IL34: variants seen among roughly 807,000 people sequenced by gnomAD.
The protein encoded by IL34 is interleukin-34.
IL34 carries 17 observed loss-of-function variants against 25.3 expected under a neutral mutation model. The ratio of observed to expected loss-of-function variants is 0.67; its 90% CI spans 0.46 to 1.01. IL34 has a LOEUF of 1.01. Among genes scored for constraint, IL34 ranks in the 50% least tolerant of loss-of-function variants. The pLI, the probability that IL34 is intolerant of heterozygous loss-of-function variation, is 0.00. For missense variants in IL34, 368 were observed against 312.9 expected (o/e 1.18, Z -1.33); for synonymous variants, 174 against 140.9 (o/e 1.23, Z -1.66).
chr16:70,651,314 G>A (rs574839857), intron 1 of IL34, among the ~76,000 whole-genome samples: 19 of 152,224 alleles, frequency 1.2e-4, no homozygotes, highest in Admixed American at 1.2e-3. Flanking sequence ...TAAGCTGAGG[G>A]GTTCAGGACT....
intron 1 of IL34, among the ~76,000 whole-genome samples, chr16:70,648,765 C>T (rs936473666): frequency 2.6e-5 from 4 of 151,842 alleles, no homozygotes; most frequent in Non-Finnish European, 4.4e-5. Flanking sequence ...TAGAAAGCTT[C>T]GGGTGGCTTA....
intron 1 of IL34, among the ~76,000 whole-genome samples, chr16:70,581,860 ATTGC>A (rs2050638789): frequency 6.6e-6 from 1 of 152,170 alleles, no homozygotes; most frequent in Non-Finnish European, 1.5e-5. Flanking sequence ...AGATGGGTGG[ATTGC>A]TTGAGCCTGG....
At chr16:70,601,557 C>T (rs1046258388) in intron 1 of IL34, among the ~76,000 whole-genome samples, 1 of 152,060 alleles carries the variant, frequency 6.6e-6, no homozygotes, top group Non-Finnish European at 1.5e-5. Flanking sequence ...TACCACCCTG[C>T]CCGGCTATTT....
chr16:70,601,071 T>C (rs1439384418), intron 1 of IL34, among the ~76,000 whole-genome samples: 2 of 151,412 alleles, frequency 1.3e-5, no homozygotes, highest in African/African-American at 4.9e-5. Flanking sequence ...AAGTGAGGGA[T>C]ACTGACAGAG....
chr16:70,654,610 A>C lies in IL34; in HGVS notation c.101A>C (p.Glu34Ala). Residue 34 changes from glutamate to alanine, a missense_variant, in exon 2 of 6, where the codon GAG becomes GCG. Coordinates refer to ENST00000288098, the MANE Select transcript of IL34 (RefSeq NM_001393494.1). ...LEMWPLTQNE[E>A]CTVTGFLRDK... ...ATGTGGCCCTTGACGCAGAATGAGG[A>C]GTGCACTGTCACGGGTTTTCTGCGG... 6.2e-7 allele frequency: 1 copy of C among 1,613,580 alleles called. No homozygotes were observed. Among genetic ancestry groups the C allele is most frequent in the Non-Finnish European group, 8.5e-7 (1 of 1,179,634 alleles).
intron 1 of IL34, among the ~76,000 whole-genome samples, chr16:70,607,823 G>T (rs777358822): frequency 1.3e-5 from 2 of 151,870 alleles, no homozygotes; most frequent in South Asian, 4.1e-4. Flanking sequence ...GGAGTGCAGT[G>T]GCGTGATCTC....
intron 4 of IL34, chr16:70,657,363 T>A: frequency 2.0e-6 from 1 of 500,500 alleles, no homozygotes; most frequent in South Asian, 2.7e-5. Flanking sequence ...GAGACTCTGT[T>A]CTAGGCTCTG....
upstream of IL34, among the ~76,000 whole-genome samples, chr16:70,644,634 T>G (rs1304405387): frequency 6.8e-6 from 1 of 147,948 alleles, no homozygotes; most frequent in African/African-American, 2.5e-5. Context: ...TAATGACAAC[T>G]AAATGTTCTA....
intron 1 of IL34, among the ~76,000 whole-genome samples, chr16:70,596,530 T>C (rs1051021036): frequency 6.6e-6 from 1 of 152,154 alleles, no homozygotes; most frequent in Non-Finnish European, 1.5e-5. Flanking sequence ...TGGAGGTGAC[T>C]GTCTTCCACA....
At chr16:70,639,017 A>T (rs1380005775) in intron 1 of IL34, among the ~76,000 whole-genome samples, 1 of 152,214 alleles carries the variant, frequency 6.6e-6, no homozygotes, top group Non-Finnish European at 1.5e-5. Flanking sequence ...GGAAATGCTG[A>T]CTAAGGCGTT....
intron 1 of IL34, among the ~76,000 whole-genome samples, chr16:70,638,603 T>C (rs147636270): frequency 0.021 from 3,255 of 152,234 alleles, 55 homozygotes; most frequent in Non-Finnish European, 0.034. Context: ...TTTATACTTA[T>C]TTATTATTTT....
At chr16:70,653,947 A>G (rs1410493619) in intron 1 of IL34, among the ~76,000 whole-genome samples, 1 of 152,148 alleles carries the variant, frequency 6.6e-6, no homozygotes, top group Non-Finnish European at 1.5e-5. Context: ...TGTTGCAGGA[A>G]GAGAGGCAGC....
rs563766934 is a variant in IL34 at position 70,618,828 on chromosome 16, CTG to C, written c.-400-27717_-400-27716del. ...GCTTGATTGAAGTAATGGGGGCTGT[CTG>C]TGAAGCTTTGCAGCAGTACAGCCTA... On this transcript the variant is annotated intron_variant, in intron 1 of 6. Transcript: ENST00000429149. Among the ~76,000 whole-genome samples, 318 of 152,222 alleles carry C rather than the reference CTG, an allele frequency of 2.1e-3. 1 individual carries two copies. Among genetic ancestry groups the C allele is most frequent in the African/African-American group, 6.9e-3 (286 of 41,532 alleles).
chr16:70,619,296 G>A (rs1031607450), intron 1 of IL34, among the ~76,000 whole-genome samples: 17 of 151,956 alleles, frequency 1.1e-4, no homozygotes, highest in Non-Finnish European at 2.1e-4. Flanking sequence ...GGGAGTAGAG[G>A]TATCTTGTGG....
In IL34 at chr16:70,625,202, C is replaced by T. The variant is rs544590204; in HGVS notation, c.-400-21346C>T. Among the ~76,000 whole-genome samples, 7 of 151,672 alleles carry T rather than the reference C, an allele frequency of 4.6e-5. No individual in the cohort carries two copies. In the South Asian group the frequency reaches 1.5e-3, roughly 32 times the overall value. ...AAGAGGTTTTAAGTTCGTGAGAAGT[C>T]AGGCTAAGGGAGAAGGAGGAATGGA... On this transcript the variant is annotated intron_variant, in intron 1 of 6. Coordinates refer to the IL34 transcript ENST00000429149.
intron 1 of IL34, among the ~76,000 whole-genome samples, chr16:70,622,145 G>C (rs140675196): frequency 1.3e-5 from 2 of 152,010 alleles, no homozygotes; most frequent in East Asian, 1.9e-4. Flanking sequence ...ACTGTATAGA[G>C]GGGGGAAGGC....
At chr16:70,609,163 C>G (rs548894268) in intron 1 of IL34, among the ~76,000 whole-genome samples, 3 of 152,138 alleles carry the variant, frequency 2.0e-5, no homozygotes, top group African/African-American at 7.2e-5. Flanking sequence ...CTGCAACCTC[C>G]GCCTCCCCGG....
chr16:70,611,595 C>G (rs1355414735), intron 1 of IL34, among the ~76,000 whole-genome samples: 3 of 150,572 alleles, frequency 2.0e-5, no homozygotes, highest in Admixed American at 6.6e-5. Context: ...TTGAGACTAG[C>G]CTGGGGCAAC....
At chr16:70,592,628 T>TTTTA (rs1282601514) in intron 1 of IL34, among the ~76,000 whole-genome samples, 2 of 152,136 alleles carry the variant, frequency 1.3e-5, no homozygotes, top group Non-Finnish European at 2.9e-5. Flanking sequence ...TACAAAGCAG[T>TTTTA]TTTATTTATT....
Sources: allele counts gnomAD v4.1 joint callset (sites outside exome capture counted in the v4.1 genomes callset), GRCh38; gene constraint gnomAD v4.1.1; transcripts MANE v1.5; gene names NCBI Gene and HGNC (gene_info 2026-07-23, HGNC 2026-07-21).